XPNPEP1: variants seen among roughly 807,000 people sequenced by gnomAD.
The protein encoded by XPNPEP1 is X-prolyl aminopeptidase 1.
XPNPEP1 carries 39 observed loss-of-function variants against 92.4 expected under a neutral mutation model. The ratio of observed to expected loss-of-function variants is 0.42; its 90% confidence interval spans 0.33 to 0.55. XPNPEP1 has a LOEUF of 0.55. XPNPEP1 is among the 20% of genes least tolerant of loss of function. The pLI, the probability that XPNPEP1 is intolerant of heterozygous loss-of-function variation, is 0.08. For missense variants in XPNPEP1, 654 were observed against 856.1 expected, an observed-to-expected ratio of 0.76 and a Z score of 2.95; for synonymous variants, 307 against 299.4, an observed-to-expected ratio of 1.03 and a Z score of -0.26.
At chr10:109,888,475 C>T (rs752903208) in intron 6 of XPNPEP1, 28 bp downstream of exon 6, 2 of 1,585,470 alleles carry the variant, frequency 1.3e-6, no homozygotes, top group Non-Finnish European at 1.7e-6. Flanking sequence ...CTTCCTTACC[C>T]AAGCAGAAAG....
intron 10 of XPNPEP1, 105 bp downstream of exon 10, chr10:109,882,327 T>A (rs921903330): frequency 2.1e-5 from 28 of 1,361,652 alleles, no homozygotes; most frequent in Middle Eastern, 2.6e-4. Flanking sequence ...AGACCACAGT[T>A]CTGATCCAAC....
intron 3 of XPNPEP1, among the ~76,000 whole-genome samples, chr10:109,904,910 C>T (rs1849473789): frequency 6.6e-6 from 1 of 152,074 alleles, no homozygotes; most frequent in African/African-American, 2.4e-5. Flanking sequence ...CACTTGTGGG[C>T]ATATATCCAA....
intron 5 of XPNPEP1, among the ~76,000 whole-genome samples, chr10:109,890,579 TGTGTGTGTGTGTGTGAGAGA>T (rs1330465344): frequency 3.3e-5 from 3 of 90,738 alleles, no homozygotes; most frequent in African/African-American, 4.7e-5. Context: ...TGTGTGTGTG[TGTGTGTGTGTGTGTGAGAGA>T]GAGAGAGAGA....
At chr10:109,891,891 A>G in intron 4 of XPNPEP1, 65 bp from the exon 5 acceptor site, 1 of 1,527,316 alleles carries the variant, frequency 6.5e-7, no homozygotes, top group East Asian at 2.3e-5. Flanking sequence ...AAGCTGCACA[A>G]AATGACAGTA....
At chr10:109,868,782 C>T in intron 19 of XPNPEP1, 70 bp from the exon 20 acceptor site, 3 of 1,414,868 alleles carry the variant, frequency 2.1e-6, no homozygotes, top group South Asian at 1.2e-5. Context: ...GAGGTCATTC[C>T]ACCAGCATGC....
intron 12 of XPNPEP1, 29 bp downstream of exon 12, chr10:109,880,155 TATCC>T: frequency 6.2e-7 from 1 of 1,607,766 alleles, no homozygotes; most frequent in South Asian, 1.1e-5. Context: ...GAATAATGTA[TATCC>T]ACATATTAAA....
rs1324134555 is a variant in XPNPEP1, at chr10:109,914,924, C to T, written c.121+87G>A. 5 of 730,342 alleles carry T rather than the reference C, an allele frequency of 6.8e-6. No individual in the cohort carries two copies. In the East Asian group the frequency reaches 1.2e-4, roughly 18 times the overall value. 45.2% of individuals were successfully genotyped at this position (730,342 alleles called of 1,614,324 possible). ...TCATGATCTGTTACTAATTCCTTAC[C>T]CTCTTCTTCTCACCCAACCTGGGGT... On this transcript the variant is annotated intron_variant, in intron 2 of 20. Transcript: ENST00000502935.
Position 109,867,313 on chromosome 10 carries a change from C to T in XPNPEP1, c.1872+1301G>A, listed in dbSNP as rs1847194862. On this transcript the variant is annotated intron_variant, in intron 20 of 20. Coordinates refer to ENST00000502935, the MANE Select transcript of XPNPEP1 (RefSeq NM_020383.4). This position sits in a 1 kb window ranked among gnomAD's most constrained non-coding sequence, Gnocchi z 4.5. The stretch of plus-strand genomic sequence containing the variant: ...GCCCCTGGACACTGGAAGGACTCTT[C>T]CTGCTGAAGAGACACACCAGACATT... 6.6e-6 allele frequency among the ~76,000 whole-genome samples: 1 copy of T among 152,212 alleles called. No individual in the cohort carries two copies. Among genetic ancestry groups the T allele is most frequent in the South Asian group, 2.1e-4 (1 of 4,830 alleles).
chr10:109,907,706 C>T lies in XPNPEP1; in HGVS notation c.231G>A (p.Ser77=), dbSNP rs568228377. The change falls in exon 3 of 21, where the codon TCG becomes TCA. Residue 77 remains serine, a synonymous_variant. Transcript: ENST00000502935. Reference sequence around the variant, plus strand: ...CATGCAGTACCTGATGAGCATCTCCCGATGGGATGATGTAGGCCTGGATCG... The same window carrying T: ...CATGCAGTACCTGATGAGCATCTCCTGATGGGATGATGTAGGCCTGGATCG... ...TEPIQAYIIP[S]GDAHQSEYIA... The T allele has an allele frequency of 5.0e-6, 8 of 1,614,182 alleles. No homozygotes were observed. The African/African-American group carries it at 6.7e-5, about 13-fold the overall frequency.
rs1848164947 is a variant in XPNPEP1, at chr10:109,882,593, G to A, written c.880C>T (p.Leu294=). ...RIDAPSVKEH[L]LLDLGLEAEY... ...GCTTCCAGACCCAAGTCAAGAAGCA[G>A]GTGCTCCTTCACACTGGGGGCGTCT... is the stretch of plus-strand genomic sequence containing the variant. Residue 294 remains leucine, a synonymous_variant, in exon 10 of 21, where the codon CTG becomes TTG. Transcript: ENST00000502935. 1 of 1,614,206 alleles carries A rather than the reference G, an allele frequency of 6.2e-7. No individual in the cohort carries two copies. Among genetic ancestry groups the A allele is most frequent in the Non-Finnish European group, 8.5e-7 (1 of 1,180,030 alleles).
chr10:109,922,792 AT>A (rs559244792), intron 1 of XPNPEP1, among the ~76,000 whole-genome samples: 30 of 152,212 alleles, frequency 2.0e-4, no homozygotes, highest in Non-Finnish European at 3.4e-4. Flanking sequence ...CCGGGAAATT[AT>A]CTGTCTCACC....
intron 3 of XPNPEP1, chr10:109,894,196 G>C (rs1848854313): frequency 6.6e-6 from 1 of 152,174 alleles, no homozygotes; most frequent in South Asian, 2.1e-4. Flanking sequence ...ATGATGTAGG[G>C]GGAAAAGGCC....
At chr10:109,913,958 G>C (rs1313328831) in intron 2 of XPNPEP1, among the ~76,000 whole-genome samples, 1 of 151,824 alleles carries the variant, frequency 6.6e-6, no homozygotes, top group African/African-American at 2.4e-5. Flanking sequence ...AAAATGTGTT[G>C]GATACATCTA....
At chr10:109,923,302 C>T (rs1850662536) in intron 1 of XPNPEP1, 100 bp downstream of exon 1, 6 of 1,261,848 alleles carry the variant, frequency 4.8e-6, no homozygotes, top group Non-Finnish European at 5.0e-6. Flanking sequence ...GGGCCGGGCT[C>T]CTCACCCGCG....
rs758887806 is a variant in XPNPEP1, at chr10:109,873,359, C to T, written c.1452+8G>A. On this transcript the variant is annotated splice_region_variant and intron_variant, in intron 16 of 20. Coordinates refer to ENST00000502935, the MANE Select transcript of XPNPEP1 (RefSeq NM_020383.4). ...GAGGACCTCTTGAGTTTTTTACCTC[C>T]ACCTTACCTTCTCGTAGGCTGTAGG... 6 of 1,614,154 alleles carry T rather than the reference C, an allele frequency of 3.7e-6. No individual in the cohort carries two copies. The highest frequency in any genetic ancestry group is 4.2e-6 in the Non-Finnish European group (5 of 1,180,018).
chr10:109,870,238 T>G lies in XPNPEP1; in HGVS notation c.1697-209A>C, dbSNP rs76014657. On this transcript the variant is annotated intron_variant, in intron 18 of 20. Transcript: ENST00000502935. ...ACTTGAGGTGCAGAAAGCTAGACTCTGAAGTCCCTGCACACTGGCTACAGG... is the reference window on the plus strand; with the variant it reads ...ACTTGAGGTGCAGAAAGCTAGACTCGGAAGTCCCTGCACACTGGCTACAGG... Among the ~76,000 whole-genome samples the G allele has an allele frequency of 6.5e-3, 994 of 152,320 alleles. 11 individuals are homozygous for G. The highest frequency in any genetic ancestry group is 0.023 in the African/African-American group (947 of 41,564).
chr10:109,887,151 A>AAAAGCTTTATCG lies in XPNPEP1; in HGVS notation c.653-811_653-810insCGATAAAGCTTT, dbSNP rs1848437018. Among the ~76,000 whole-genome samples the AAAAGCTTTATCG allele has an allele frequency of 3.3e-5, 5 of 152,098 alleles. No homozygotes were observed. The South Asian group carries it at 8.3e-4, about 25-fold the overall frequency. ...GTAGGCACCCAAATGTGTACTGAAC[A>AAAAGCTTTATCG]GCAACATTTGCTCTCCCCTCTCCTA... is the stretch of plus-strand genomic sequence containing the variant. On this transcript the variant is annotated intron_variant, in intron 7 of 20. Transcript: ENST00000502935.
intron 1 of XPNPEP1, among the ~76,000 whole-genome samples, chr10:109,916,802 GA>G (rs1196749788): frequency 6.6e-6 from 1 of 152,138 alleles, no homozygotes; most frequent in African/African-American, 2.4e-5. Context: ...CTTATCCCAG[GA>G]ATACAAGGTT....
chr10:109,923,296 C>G, intron 1 of XPNPEP1, 106 bp downstream of exon 1: 5 of 1,235,520 alleles, frequency 4.0e-6, no homozygotes, highest in South Asian at 2.8e-5. Flanking sequence ...TGCGGCGGGC[C>G]GGGCTCCTCA....
Sources: gnomAD v4.1 joint callset for allele counts (sites outside exome capture counted in the v4.1 genomes callset) on GRCh38, gnomAD v4.1.1 for gene constraint, Gnocchi (gnomAD v3.1) non-coding constraint, MANE v1.5 for transcripts, NCBI Gene and HGNC (gene_info 2026-07-23, HGNC 2026-07-21) for gene names.